Variants in ESCO1 observed in about 807,000 individuals in gnomAD.
ESCO1 encodes the protein establishment of sister chromatid cohesion N-acetyltransferase 1, also known as N-acetyltransferase ESCO1.
A neutral mutation model predicts 83.5 loss-of-function variants in ESCO1; 33 were observed. The observed-to-expected ratio is 0.40, with a 90% CI of 0.30 to 0.53. The LOEUF is 0.53. ESCO1 is among the 20% of genes least tolerant of loss of function. The pLI, the probability that ESCO1 is intolerant of heterozygous loss-of-function variation, is 0.63. For missense variants in ESCO1, 855 were observed against 968.0 expected, an observed-to-expected ratio of 0.88 and a Z score of 1.55; for synonymous variants, 332 against 324.3, an observed-to-expected ratio of 1.02 and a Z score of -0.25.
intron 8 of ESCO1, among the ~76,000 whole-genome samples, chr18:21,555,451 T>G (rs957698493): frequency 6.6e-6 from 1 of 152,174 alleles, no homozygotes; most frequent in East Asian, 1.9e-4. Flanking sequence ...TTATAACAAA[T>G]GTACAACTAT....
At chr18:21,591,358 T>C (rs1239392387) in intron 1 of ESCO1, among the ~76,000 whole-genome samples, 1 of 152,138 alleles carries the variant, frequency 6.6e-6, no homozygotes, top group East Asian at 1.9e-4. Context: ...AGATAATAAA[T>C]TTCTATTGTT....
At chr18:21,534,943 G>C (rs548371346) in intron 10 of ESCO1, among the ~76,000 whole-genome samples, 11 of 152,104 alleles carry the variant, frequency 7.2e-5, no homozygotes, top group African/African-American at 2.7e-4. Context: ...TTTTATAAAG[G>C]TACAGATAGC....
chr18:21,596,168 A>T (rs959497315), intron 1 of ESCO1, among the ~76,000 whole-genome samples: 1 of 151,012 alleles, frequency 6.6e-6, no homozygotes, highest in Non-Finnish European at 1.5e-5. Flanking sequence ...GTGGGCAGAT[A>T]ACTTGGGCCC....
intron 8 of ESCO1, among the ~76,000 whole-genome samples, chr18:21,556,098 T>C (rs1293263084): frequency 6.8e-6 from 1 of 146,698 alleles, no homozygotes; most frequent in Non-Finnish European, 1.5e-5. Context: ...CTACAAAAAA[T>C]ACAAAAATTA....
At chr18:21,578,697 GA>G (rs201655061) in intron 2 of ESCO1, among the ~76,000 whole-genome samples, 5 of 150,616 alleles carry the variant, frequency 3.3e-5, no homozygotes, top group South Asian at 2.1e-4. Flanking sequence ...CGAAAAAAAA[GA>G]AAAAAAAAAT....
At chr18:21,553,557 G>A (rs1016977347) in intron 8 of ESCO1, among the ~76,000 whole-genome samples, 1 of 150,838 alleles carries the variant, frequency 6.6e-6, no homozygotes, top group African/African-American at 2.4e-5. Flanking sequence ...AGAAGTAAAT[G>A]ATTAAAAAAC....
intron 8 of ESCO1, chr18:21,540,548 A>T: frequency 7.7e-7 from 1 of 1,295,300 alleles, no homozygotes; most frequent in Non-Finnish European, 1.0e-6. Flanking sequence ...CCAAAGCCAC[A>T]AGAAGGAGAC....
intron 8 of ESCO1, among the ~76,000 whole-genome samples, chr18:21,557,154 T>C (rs1190526010): frequency 6.6e-6 from 1 of 152,232 alleles, no homozygotes; most frequent in Non-Finnish European, 1.5e-5. Flanking sequence ...AAATATTGTT[T>C]TAATGTTATT....
rs1234588951 is a variant in ESCO1 at position 21,532,746 on chromosome 18, T to C, written c.2188-86A>G. ...GATCTGGTTGAGGCGGTTATGACATTTGACTGGCTTAACAAACTATGGGGC... is the reference window on the plus strand; with the variant it reads ...GATCTGGTTGAGGCGGTTATGACATCTGACTGGCTTAACAAACTATGGGGC... On this transcript the variant is annotated intron_variant, in intron 10 of 11. Transcript: ENST00000269214. 1.8e-5 allele frequency: 24 copies of C among 1,308,426 alleles called. No individual in the cohort carries two copies. In the Middle Eastern group the frequency reaches 5.8e-4, roughly 32 times the overall value. 81.1% of individuals were successfully genotyped at this position (1,308,426 alleles called of 1,614,324 possible).
At chr18:21,541,835 C>T (rs2037912068) in intron 8 of ESCO1, among the ~76,000 whole-genome samples, 1 of 152,152 alleles carries the variant, frequency 6.6e-6, no homozygotes, top group East Asian at 1.9e-4. Flanking sequence ...TATAAGAAAA[C>T]CATTCTTCCT....
At chr18:21,581,064 C>T (rs1198271563) in intron 2 of ESCO1, among the ~76,000 whole-genome samples, 1 of 152,014 alleles carries the variant, frequency 6.6e-6, no homozygotes, top group Non-Finnish European at 1.5e-5. Context: ...GTAATCCCAG[C>T]ACTTTGGGAG....
intron 2 of ESCO1, among the ~76,000 whole-genome samples, chr18:21,579,790 GCGCGCACACACACACACACA>G (rs1225432270): frequency 5.0e-5 from 2 of 40,260 alleles, no homozygotes; most frequent in Non-Finnish European, 1.7e-4. Flanking sequence ...ACACACGCGC[GCGCGCACACACACACACACA>G]CACACACACA....
intron 1 of ESCO1, among the ~76,000 whole-genome samples, chr18:21,597,332 A>C (rs1040973687): frequency 2.0e-5 from 3 of 152,074 alleles, no homozygotes; most frequent in African/African-American, 7.2e-5. Flanking sequence ...TCCTTCACTA[A>C]CTTATTTTGG....
In ESCO1 at chr18:21,575,219, G is replaced by C. The variant is rs973644427; in HGVS notation, c.-376C>G. Reference sequence around the variant, plus strand: ...CAGGCCTAGCTCTATTACTGGAGGAGTTATTTATCAGTGACCTGTTTTGAT... The same window carrying C: ...CAGGCCTAGCTCTATTACTGGAGGACTTATTTATCAGTGACCTGTTTTGAT... On this transcript the variant is annotated 5_prime_UTR_variant, in exon 4 of 12. Coordinates refer to ENST00000269214, the MANE Select transcript of ESCO1 (RefSeq NM_052911.3). 5.2e-6 allele frequency: 2 copies of C among 383,838 alleles called. No individual in the cohort carries two copies. Among genetic ancestry groups the C allele is most frequent in the African/African-American group, 4.1e-5 (2 of 48,288 alleles). 23.8% of individuals were successfully genotyped at this position (383,838 alleles called of 1,614,324 possible).
At chr18:21,600,362 CCAG>C (rs1406431186) in intron 1 of ESCO1, among the ~76,000 whole-genome samples, 2 of 152,258 alleles carry the variant, frequency 1.3e-5, no homozygotes, top group Admixed American at 6.5e-5. Context: ...CTTCGACCGC[CCAG>C]CAAACAGCGG....
In ESCO1 at chr18:21,575,091, A is replaced by G. The variant is rs974623403; in HGVS notation, c.-248T>C. 7 of 374,386 alleles carry G rather than the reference A, an allele frequency of 1.9e-5. No homozygotes were observed. The Admixed American group carries it at 3.1e-4, about 17-fold the overall frequency. The allele number at this position is 374,386 out of a possible 1,614,324, so 23.2% of individuals were successfully genotyped here. The stretch of plus-strand genomic sequence containing the variant: ...TTGCTTTACTTTGGACAAGGTAATA[A>G]AAATTTGAGGAAAATTTTGATTATT... On this transcript the variant is annotated 5_prime_UTR_variant, in exon 4 of 12. Coordinates refer to ENST00000269214, the MANE Select transcript of ESCO1 (RefSeq NM_052911.3).
At chr18:21,538,130 ATTAGC>A (rs1018239501) in intron 9 of ESCO1, among the ~76,000 whole-genome samples, 8 of 152,156 alleles carry the variant, frequency 5.3e-5, no homozygotes, top group African/African-American at 1.9e-4. Context: ...ACAGTAGGCT[ATTAGC>A]AGTTAAGTTT....
intron 1 of ESCO1, among the ~76,000 whole-genome samples, chr18:21,586,059 T>C (rs568565705): frequency 6.6e-6 from 1 of 152,376 alleles, no homozygotes; most frequent in Middle Eastern, 3.4e-3. Context: ...ATATCTCTTC[T>C]AGTTATTTTG....
intron 4 of ESCO1, among the ~76,000 whole-genome samples, chr18:21,568,934 G>C (rs1235688281): frequency 6.7e-6 from 1 of 150,160 alleles, no homozygotes; most frequent in Non-Finnish European, 1.5e-5. Context: ...TTAAATAAAA[G>C]ATATTAAAAT....
Sources: allele counts gnomAD v4.1 joint callset (sites outside exome capture counted in the v4.1 genomes callset), GRCh38; gene constraint gnomAD v4.1.1; transcripts MANE v1.5; gene names NCBI Gene and HGNC (gene_info 2026-07-23, HGNC 2026-07-21).